GRM5: variants seen among roughly 807,000 people sequenced by gnomAD.
GRM5 encodes metabotropic glutamate receptor 5.
GRM5 carries 19 observed loss-of-function variants against 83.1 expected under a neutral mutation model. The observed-to-expected ratio is 0.23, with a 90% confidence interval of 0.16 to 0.34. GRM5 has a LOEUF of 0.34. Among genes scored for constraint, GRM5 ranks in the 10% least tolerant of loss-of-function variants. The probability of loss-of-function intolerance (pLI) is 1.00; values close to 1 mark genes in which losing one functional copy is unlikely to be tolerated. For synonymous variants in GRM5, 675 were observed against 633.6 expected (o/e 1.07, Z -0.98); for missense variants, 1,160 against 1,588.3 (o/e 0.73, Z 4.58).
intron 2 of GRM5, among the ~76,000 whole-genome samples, chr11:89,013,667 A>G (rs1940770389): frequency 6.6e-6 from 1 of 152,190 alleles, no homozygotes; most frequent in Non-Finnish European, 1.5e-5. Context: ...AAACTGTCAA[A>G]GCTATTTATC....
At chr11:89,061,399 C>G (rs1197747934) in intron 1 of GRM5, among the ~76,000 whole-genome samples, 1 of 152,058 alleles carries the variant, frequency 6.6e-6, no homozygotes, top group Non-Finnish European at 1.5e-5. Flanking sequence ...AATGATCATT[C>G]TGTAAAAGAC....
At chr11:88,660,098 A>C (rs370330054) in intron 3 of GRM5, among the ~76,000 whole-genome samples, 1 of 152,226 alleles carries the variant, frequency 6.6e-6, no homozygotes, top group East Asian at 1.9e-4. Context: ...AGGAGTCAAC[A>C]GTCCATTAGG....
chr11:88,800,813 A>C (rs1208415834), intron 3 of GRM5, among the ~76,000 whole-genome samples: 1 of 152,096 alleles, frequency 6.6e-6, no homozygotes, highest in African/African-American at 2.4e-5. Flanking sequence ...CTGCTAGGCT[A>C]CTTTCCAGTG....
intron 2 of GRM5, among the ~76,000 whole-genome samples, chr11:88,904,469 G>A (rs1945370692): frequency 1.3e-5 from 2 of 152,128 alleles, no homozygotes; most frequent in South Asian, 4.1e-4. Flanking sequence ...TTCTAGCCAA[G>A]AGCAAATGAA....
intron 3 of GRM5, among the ~76,000 whole-genome samples, chr11:88,702,528 G>C (rs1393595302): frequency 1.3e-5 from 2 of 152,026 alleles, no homozygotes; most frequent in African/African-American, 4.8e-5. Flanking sequence ...GGCTTTCTGG[G>C]AAGGTAACAT....
chr11:88,830,855 G>C (rs185312162), intron 3 of GRM5, among the ~76,000 whole-genome samples: 1 of 152,110 alleles, frequency 6.6e-6, no homozygotes, highest in Non-Finnish European at 1.5e-5. Context: ...TCACAATCAC[G>C]AAGGTAGGCA....
At chr11:88,877,874 A>C (rs1255355428) in intron 2 of GRM5, among the ~76,000 whole-genome samples, 1 of 151,520 alleles carries the variant, frequency 6.6e-6, no homozygotes. Flanking sequence ...GTAAAGAGGG[A>C]GGGACAGCAT....
Position 89,047,540 on chromosome 11 carries a change from C to G in GRM5, c.333G>C (p.Glu111Asp). 6.2e-7 allele frequency: 1 copy of G among 1,614,138 alleles called. No individual in the cohort carries two copies. The highest frequency in any genetic ancestry group is 8.5e-7 in the Non-Finnish European group (1 of 1,179,990). The change falls in exon 2 of 10, where the codon GAG (glutamate) becomes GAC (aspartate). Residue 111 changes from glutamate (E) to aspartate (D), a missense_variant. Glu to Asp is a conservative substitution (Grantham distance 45). This residue lies in a region of GRM5 where 71 missense variants were observed against 145.8 expected (regional missense o/e 0.49). Coordinates refer to ENST00000305447, the MANE Select transcript of GRM5 (RefSeq NM_001143831.3). The surrounding 1 kb of genome is among the most constrained non-coding windows in gnomAD (Gnocchi z 5.1). The stretch of plus-strand genomic sequence containing the variant: ...AAGAAATGAGGGAATCTCTTATGAA[C>G]TCAATGCTCTGCTCTAGGGCCACAG... ...HSAVALEQSI[E>D]FIRDSLISSE...
chr11:89,036,143 A>G (rs2135132339), intron 2 of GRM5, among the ~76,000 whole-genome samples: 1 of 152,180 alleles, frequency 6.6e-6, no homozygotes. Flanking sequence ...CACTCACATC[A>G]AAGATAACCA....
rs1006055550 is a variant in GRM5 at position 88,804,663 on chromosome 11, G to A, written c.911+45243C>T. Among the ~76,000 whole-genome samples the A allele has an allele frequency of 6.6e-5, 10 of 151,976 alleles. No individual in the cohort carries two copies. The South Asian group carries it at 2.1e-3, about 32-fold the overall frequency. ...TAACTAGCCTGCACATTGTGCACAT[G>A]TACCCTAAAACTTAAAGTATAATAA... is the stretch of plus-strand genomic sequence containing the variant. On this transcript the variant is annotated intron_variant, in intron 3 of 9. Transcript: ENST00000305447.
At chr11:89,039,983 T>A (rs917711391) in intron 2 of GRM5, among the ~76,000 whole-genome samples, 1 of 152,202 alleles carries the variant, frequency 6.6e-6, no homozygotes, top group African/African-American at 2.4e-5. Context: ...TCTTTTTTTT[T>A]ACTTTTTGTA....
intron 3 of GRM5, among the ~76,000 whole-genome samples, chr11:88,829,024 A>G (rs1167390465): frequency 1.3e-5 from 2 of 151,700 alleles, no homozygotes; most frequent in Non-Finnish European, 1.5e-5. Context: ...TAAAAACTTA[A>G]TTTTATAATT....
intron 2 of GRM5, among the ~76,000 whole-genome samples, chr11:89,028,936 C>T (rs1460605272): frequency 4.6e-5 from 7 of 152,126 alleles, no homozygotes; most frequent in African/African-American, 1.7e-4. Context: ...ATCCCTTCCC[C>T]AGTCCCCCAC....
At chr11:88,790,262 A>G (rs577507372) in intron 3 of GRM5, among the ~76,000 whole-genome samples, 1 of 152,328 alleles carries the variant, frequency 6.6e-6, no homozygotes, top group African/African-American at 2.4e-5. Flanking sequence ...TTCATAATGT[A>G]TGAGTCATAT....
chr11:88,570,571 A>ATATATAT (rs1405339448), intron 7 of GRM5, among the ~76,000 whole-genome samples: 13 of 46,380 alleles, frequency 2.8e-4, no homozygotes, highest in African/African-American at 1.6e-3. Context: ...ATATATATAT[A>ATATATAT]TTTTTTTTTT....
chr11:88,653,094 A>G (rs1165408568), intron 4 of GRM5, 74 bp downstream of exon 4: 12 of 888,042 alleles, frequency 1.4e-5, no homozygotes, highest in Non-Finnish European at 2.0e-5. Context: ...TACAGCCACT[A>G]TCCCCATGAC....
chr11:89,011,485 G>A (rs1940697750), intron 2 of GRM5, among the ~76,000 whole-genome samples: 1 of 152,140 alleles, frequency 6.6e-6, no homozygotes, highest in African/African-American at 2.4e-5. Context: ...AGAGAAGTTG[G>A]CAGGAGCTGC....
chr11:88,955,961 T>C (rs1396693187), intron 2 of GRM5, among the ~76,000 whole-genome samples: 2 of 152,250 alleles, frequency 1.3e-5, no homozygotes, highest in Non-Finnish European at 2.9e-5. Context: ...AGATAGGTTC[T>C]TAAATAATGC....
At chr11:88,918,441 T>C (rs1360508582) in intron 2 of GRM5, among the ~76,000 whole-genome samples, 1 of 151,422 alleles carries the variant, frequency 6.6e-6, no homozygotes, top group Admixed American at 6.6e-5. Flanking sequence ...TAATAATAAA[T>C]AAATTAATTT....
Sources: allele counts gnomAD v4.1 joint callset (sites outside exome capture counted in the v4.1 genomes callset), GRCh38; gene constraint gnomAD v4.1.1; regional missense constraint gnomAD v4.1.1; non-coding constraint Gnocchi (gnomAD v3.1); transcripts MANE v1.5; gene names NCBI Gene and HGNC (gene_info 2026-07-23, HGNC 2026-07-21).